BBS9: variants seen among roughly 807,000 people sequenced by gnomAD.
BBS9 encodes the protein protein PTHB1.
BBS9 carries 89 observed loss-of-function variants against 117.7 expected under a neutral mutation model. The ratio of observed to expected loss-of-function variants is 0.76; its 90% CI spans 0.64 to 0.90. The LOEUF (loss-of-function observed/expected upper bound fraction) is 0.90, where lower values mean the gene tolerates loss of function less well. Ranked by LOEUF, BBS9 falls within the 40% of genes least tolerant of loss-of-function variation. The pLI, the probability that BBS9 is intolerant of heterozygous loss-of-function variation, is 0.00. For synonymous variants in BBS9, 379 were observed against 370.9 expected, an observed-to-expected ratio of 1.02 and a Z score of -0.25; for missense variants, 982 against 1,042.2, an observed-to-expected ratio of 0.94 and a Z score of 0.80.
At position 33,505,366 on chromosome 7, in the gene BBS9, A is replaced by G. The variant is rs1846002608; in HGVS notation, c.2116-97A>G. 4.3e-6 allele frequency: 5 copies of G among 1,153,590 alleles called. No homozygotes were observed. The Admixed American group carries it at 8.4e-5, about 19-fold the overall frequency. 71.5% of individuals were successfully genotyped at this position (1,153,590 alleles called of 1,614,324 possible). ...TGTTTGTGGAAGACAAAGTTCATCA[A>G]GTTGTCTTGAAGAAAAACAAAAGTG... is the stretch of plus-strand genomic sequence containing the variant. On this transcript the variant is annotated intron_variant, in intron 19 of 22. Coordinates refer to ENST00000242067, the MANE Select transcript of BBS9 (RefSeq NM_198428.3).
At chr7:33,623,704 T>C (rs1162416099) in intron 21 of BBS9, among the ~76,000 whole-genome samples, 1 of 152,180 alleles carries the variant, frequency 6.6e-6, no homozygotes, top group Non-Finnish European at 1.5e-5. Context: ...TAATTAAAGC[T>C]ACAAGGATTA....
intron 2 of BBS9, 80 bp downstream of exon 2, chr7:33,146,444 T>A: frequency 1.7e-6 from 2 of 1,167,048 alleles, no homozygotes; most frequent in Non-Finnish European, 2.6e-6. Context: ...CCGACTGCTG[T>A]AATCTCAGTT....
intron 9 of BBS9, among the ~76,000 whole-genome samples, chr7:33,328,551 T>C (rs1813309796): frequency 6.6e-6 from 1 of 152,200 alleles, no homozygotes; most frequent in South Asian, 2.1e-4. Context: ...TTCAATCATA[T>C]GCTCCTTACT....
chr7:33,236,097 G>C (rs1259849067), intron 5 of BBS9, among the ~76,000 whole-genome samples: 1 of 152,066 alleles, frequency 6.6e-6, no homozygotes, highest in African/African-American at 2.4e-5. Flanking sequence ...GGGGGCTGAG[G>C]CAGGTGATCA....
Position 33,242,410 on chromosome 7 carries a change from A to G in BBS9, c.443-14826A>G, listed in dbSNP as rs184226497. Among the ~76,000 whole-genome samples the G allele has an allele frequency of 2.3e-3, 353 of 152,066 alleles. 1 individual carries two copies. The highest frequency in any genetic ancestry group is 8.1e-3 in the African/African-American group (336 of 41,494). ...GTGGTCCACAAGTTTTTTCTCCTTT[A>G]CTGTATCTCATTTGAGAGCAGGAAA... On this transcript the variant is annotated intron_variant, in intron 5 of 22. Coordinates refer to ENST00000242067, the MANE Select transcript of BBS9 (RefSeq NM_198428.3).
chr7:33,160,040 A>G (rs1794623425), intron 4 of BBS9, among the ~76,000 whole-genome samples: 1 of 152,194 alleles, frequency 6.6e-6, no homozygotes, highest in Admixed American at 6.5e-5. Flanking sequence ...GCCAACAAGA[A>G]GTGCCAGCAA....
At chr7:33,423,345 A>T (rs1332510822) in intron 19 of BBS9, among the ~76,000 whole-genome samples, 1 of 152,108 alleles carries the variant, frequency 6.6e-6, no homozygotes, top group Non-Finnish European at 1.5e-5. Context: ...TGGTTCTTCA[A>T]GCACAAAATC....
intron 11 of BBS9, among the ~76,000 whole-genome samples, chr7:33,341,583 ATTG>A (rs1816570765): frequency 6.6e-6 from 1 of 152,054 alleles, no homozygotes; most frequent in South Asian, 2.1e-4. Flanking sequence ...TGTTATGATA[ATTG>A]TTATGATTGT....
chr7:33,395,085 G>A (rs888426797), intron 19 of BBS9, among the ~76,000 whole-genome samples: 9 of 152,150 alleles, frequency 5.9e-5, no homozygotes, highest in African/African-American at 1.9e-4. Flanking sequence ...AAATGTGTGC[G>A]AACTGTTTGT....
At chr7:33,611,000 TCA>T (rs2129213996), downstream of BBS9, among the ~76,000 whole-genome samples, 1 of 152,200 alleles carries the variant, frequency 6.6e-6, no homozygotes, top group African/African-American at 2.4e-5. Flanking sequence ...GTCTTGTATC[TCA>T]GTTGGCTGAA....
chr7:33,487,064 C>A (rs547340873), intron 19 of BBS9, among the ~76,000 whole-genome samples: 34 of 152,260 alleles, frequency 2.2e-4, no homozygotes, highest in African/African-American at 7.2e-4. Flanking sequence ...AGCAAAAATT[C>A]TTTCTATAAA....
At chr7:33,555,768 G>T (rs1357640229) in intron 21 of BBS9, among the ~76,000 whole-genome samples, 2 of 152,136 alleles carry the variant, frequency 1.3e-5, no homozygotes, top group Admixed American at 6.5e-5. Context: ...GTTTAGTTTT[G>T]TACATGTTGA....
intron 19 of BBS9, among the ~76,000 whole-genome samples, chr7:33,461,840 G>A (rs1220481349): frequency 6.6e-6 from 1 of 151,848 alleles, no homozygotes; most frequent in East Asian, 1.9e-4. Flanking sequence ...TAAAAAGATA[G>A]TCTTTTAGTT....
rs1365462446 is a variant in BBS9 at position 33,190,020 on chromosome 7, CTCTT to C, written c.442+12434_442+12437del. Reference sequence around the variant, plus strand: ...TACAGGTGTGAGCCACCGTGACTGGCTCTTTCTTCAATTTTTATCTTTATCAACA... The same window carrying C: ...TACAGGTGTGAGCCACCGTGACTGGCTCTTCAATTTTTATCTTTATCAACA... On this transcript the variant is annotated intron_variant, in intron 5 of 22. Transcript: ENST00000242067. 2.0e-5 allele frequency among the ~76,000 whole-genome samples: 3 copies of C among 151,610 alleles called. No individual in the cohort carries two copies. The East Asian group carries it at 5.8e-4, about 29-fold the overall frequency.
intron 5 of BBS9, among the ~76,000 whole-genome samples, chr7:33,186,319 G>A (rs1256601688): frequency 1.3e-5 from 2 of 152,134 alleles, no homozygotes; most frequent in Non-Finnish European, 2.9e-5. Context: ...ATCAGGCAGT[G>A]TTCTAAGAGC....
chr7:33,470,850 G>A (rs946559259), intron 19 of BBS9, among the ~76,000 whole-genome samples: 12 of 152,104 alleles, frequency 7.9e-5, no homozygotes, highest in African/African-American at 2.9e-4. Flanking sequence ...CTCATTCAGG[G>A]GGGTGTCCTG....
intron 19 of BBS9, among the ~76,000 whole-genome samples, chr7:33,471,226 G>A (rs916302331): frequency 2.0e-5 from 3 of 152,104 alleles, no homozygotes; most frequent in African/African-American, 7.2e-5. Flanking sequence ...AGTGGGATGG[G>A]GGAAGAAATG....
intron 5 of BBS9, among the ~76,000 whole-genome samples, chr7:33,205,752 A>G (rs915418380): frequency 4.6e-5 from 7 of 152,178 alleles, no homozygotes; most frequent in East Asian, 1.9e-4. Context: ...TTTGATTTCT[A>G]TTTAATCAAA....
chr7:33,527,122 C>A (rs7805518), intron 20 of BBS9, among the ~76,000 whole-genome samples: 2 of 151,168 alleles, frequency 1.3e-5, no homozygotes, highest in African/African-American at 4.9e-5. Flanking sequence ...TCTCCAGCTG[C>A]GTACTGGGAG....
Sources: allele counts gnomAD v4.1 joint callset (sites outside exome capture counted in the v4.1 genomes callset), GRCh38; gene constraint gnomAD v4.1.1; transcripts MANE v1.5; gene names NCBI Gene and HGNC (gene_info 2026-07-23, HGNC 2026-07-21).